Variants in THSD7B observed in about 807,000 individuals in gnomAD.
The protein encoded by THSD7B is thrombospondin type-1 domain-containing protein 7B.
In THSD7B, 138 loss-of-function variants were observed where a neutral mutation model predicts 213.6. That is an observed-to-expected ratio of 0.65 (90% CI 0.56 to 0.74). The LOEUF (loss-of-function observed/expected upper bound fraction) is 0.74, where lower values mean the gene tolerates loss of function less well. Among genes scored for constraint, THSD7B ranks in the 30% least tolerant of loss-of-function variants. The pLI is 0.00. For synonymous variants in THSD7B, 742 were observed against 687.0 expected (o/e 1.08, Z -1.25); for missense variants, 1,931 against 1,991.5 (o/e 0.97, Z 0.58).
chr2:136,897,211 G>A (rs1236470241), intron 2 of THSD7B, among the ~76,000 whole-genome samples: 1 of 152,144 alleles, frequency 6.6e-6, no homozygotes, highest in Non-Finnish European at 1.5e-5. Context: ...TCCGTAACTG[G>A]TTCCTTCCGG....
intron 15 of THSD7B, among the ~76,000 whole-genome samples, chr2:137,534,013 T>TGCGC (rs551702770): frequency 6.8e-5 from 10 of 146,302 alleles, no homozygotes; most frequent in South Asian, 2.2e-4. Context: ...TGTGTGTGTG[T>TGCGC]GCGCGCACAC....
chr2:137,608,606 T>C (rs1340398221), intron 17 of THSD7B, among the ~76,000 whole-genome samples: 1 of 152,228 alleles, frequency 6.6e-6, no homozygotes, highest in Non-Finnish European at 1.5e-5. Context: ...AAATATGGAA[T>C]GTTCAGCACA....
chr2:137,163,257 A>AT (rs1484892612), intron 6 of THSD7B, among the ~76,000 whole-genome samples: 1 of 152,182 alleles, frequency 6.6e-6, no homozygotes. Context: ...GTTGAATGGT[A>AT]TGCCCCCAAA....
intron 2 of THSD7B, among the ~76,000 whole-genome samples, chr2:137,022,588 T>C (rs1411411648): frequency 6.6e-6 from 1 of 152,092 alleles, no homozygotes; most frequent in Non-Finnish European, 1.5e-5. Context: ...GATTATAAGA[T>C]ACATGGGCTT....
chr2:137,023,820 T>C lies in THSD7B; in HGVS notation c.140-32600T>C, dbSNP rs144594775. The stretch of plus-strand genomic sequence containing the variant: ...TGGAGGAATTGTGACATTTTTTCCC[T>C]GTGGGTATGAGCCACCTACATAATA... On this transcript the variant is annotated intron_variant, in intron 2 of 27. Coordinates refer to ENST00000409968, the MANE Select transcript of THSD7B (RefSeq NM_001316349.2). Among the ~76,000 whole-genome samples, 7 of 152,264 alleles carry C rather than the reference T, an allele frequency of 4.6e-5. No homozygotes were observed. In the East Asian group the frequency reaches 1.4e-3, roughly 30 times the overall value.
chr2:137,642,448 C>T (rs1682956912), intron 20 of THSD7B, 40 bp from the exon 21 acceptor site: 1 of 1,608,588 alleles, frequency 6.2e-7, no homozygotes, highest in Admixed American at 1.7e-5. Flanking sequence ...CTTTCCAAGC[C>T]AAACTAACTG....
At chr2:137,593,973 G>T (rs1681911781) in intron 17 of THSD7B, among the ~76,000 whole-genome samples, 2 of 151,900 alleles carry the variant, frequency 1.3e-5, no homozygotes, top group South Asian at 4.1e-4. Flanking sequence ...GAATATTTTA[G>T]GTTGAGTCCT....
At chr2:136,945,320 A>G (rs1684917806) in intron 2 of THSD7B, among the ~76,000 whole-genome samples, 1 of 151,624 alleles carries the variant, frequency 6.6e-6, no homozygotes, top group African/African-American at 2.4e-5. Context: ...ATGGTTGTAG[A>G]GTTTCTGCCA....
At chr2:137,646,650 TTAATAATAA>T (rs147054450) in intron 21 of THSD7B, among the ~76,000 whole-genome samples, 28 of 130,198 alleles carry the variant, frequency 2.2e-4, no homozygotes, top group East Asian at 1.6e-3. Context: ...ACACTCCATC[TTAATAATAA>T]TAATAATAAT....
chr2:137,037,280 T>A (rs1258113704), intron 2 of THSD7B, among the ~76,000 whole-genome samples: 15 of 152,150 alleles, frequency 9.9e-5, no homozygotes, highest in Admixed American at 9.8e-4. Flanking sequence ...ATAGTACTAT[T>A]CCAACTCTGA....
chr2:137,516,745 G>A (rs1331679699), intron 15 of THSD7B, among the ~76,000 whole-genome samples: 1 of 152,102 alleles, frequency 6.6e-6, no homozygotes, highest in African/African-American at 2.4e-5. Flanking sequence ...CCCCCACATT[G>A]GCTCCCTGAC....
At chr2:137,640,008 GT>G (rs1001887756) in intron 20 of THSD7B, among the ~76,000 whole-genome samples, 48 of 152,280 alleles carry the variant, frequency 3.2e-4, no homozygotes, top group African/African-American at 1.1e-3. Flanking sequence ...TTGGGGAACT[GT>G]TGGGGAGCCA....
intron 15 of THSD7B, among the ~76,000 whole-genome samples, chr2:137,515,334 AAC>A (rs1157469521): frequency 6.6e-5 from 10 of 152,126 alleles, no homozygotes; most frequent in Non-Finnish European, 1.5e-4. Flanking sequence ...TGAAGTGATA[AAC>A]CTTGCACTGC....
At chr2:137,123,763 C>A (rs985665960) in intron 5 of THSD7B, among the ~76,000 whole-genome samples, 2 of 152,102 alleles carry the variant, frequency 1.3e-5, no homozygotes, top group Admixed American at 6.6e-5. Flanking sequence ...CCTTCAATTT[C>A]TTTCTCTTTT....
chr2:137,504,317 A>G (rs1679784560), intron 15 of THSD7B, among the ~76,000 whole-genome samples: 1 of 152,210 alleles, frequency 6.6e-6, no homozygotes, highest in African/African-American at 2.4e-5. Flanking sequence ...GGTAATTGCA[A>G]AAGAAATCCT....
At chr2:137,161,881 G>T (rs1219732035) in intron 6 of THSD7B, among the ~76,000 whole-genome samples, 1 of 152,174 alleles carries the variant, frequency 6.6e-6, no homozygotes, top group African/African-American at 2.4e-5. Flanking sequence ...TGTTTAGCCT[G>T]TGCTGCTCCT....
intron 11 of THSD7B, among the ~76,000 whole-genome samples, chr2:137,273,706 T>C (rs560380114): frequency 3.9e-5 from 6 of 152,208 alleles, no homozygotes; most frequent in Non-Finnish European, 8.8e-5. Context: ...TTTCATTGTT[T>C]TTATCTGATG....
At chr2:137,181,181 A>G (rs1398465825) in intron 7 of THSD7B, among the ~76,000 whole-genome samples, 1 of 152,204 alleles carries the variant, frequency 6.6e-6, no homozygotes, top group Non-Finnish European at 1.5e-5. Context: ...GGAAGGAGAG[A>G]GAAGTAGAGT....
At chr2:137,561,344 A>G (rs564671748) in intron 15 of THSD7B, among the ~76,000 whole-genome samples, 2 of 152,294 alleles carry the variant, frequency 1.3e-5, no homozygotes, top group African/African-American at 4.8e-5. Context: ...TCTAAGTTCT[A>G]CTTAGTATTG....
Sources: allele counts gnomAD v4.1 joint callset (sites outside exome capture counted in the v4.1 genomes callset), GRCh38; gene constraint gnomAD v4.1.1; transcripts MANE v1.5; gene names NCBI Gene and HGNC (gene_info 2026-07-23, HGNC 2026-07-21).